The following THAP4 variants were observed in gnomAD, a reference collection of about 807,000 sequenced individuals.
The protein encoded by THAP4 is THAP domain containing 4, also known as peroxynitrite isomerase THAP4.
A neutral mutation model predicts 48.1 loss-of-function variants in THAP4; 18 were observed. That is an observed-to-expected ratio of 0.37 (90% CI 0.26 to 0.56). The LOEUF (loss-of-function observed/expected upper bound fraction) is 0.56, where lower values mean the gene tolerates loss of function less well. THAP4 is among the 20% of genes least tolerant of loss of function. THAP4 has a pLI of 0.78. For missense variants in THAP4, 656 were observed against 774.9 expected (o/e 0.85, Z 1.82); for synonymous variants, 345 against 324.9 (o/e 1.06, Z -0.66).
At chr2:241,604,573 T>G (rs768112157) in intron 3 of THAP4, among the ~76,000 whole-genome samples, 16 of 151,814 alleles carry the variant, frequency 1.1e-4, no homozygotes, top group Non-Finnish European at 1.9e-4. Context: ...AATTTTTGTA[T>G]TTTTGTATTT....
intron 2 of THAP4, 126 bp downstream of exon 2, chr2:241,632,785 ACCAGAG>A: frequency 1.5e-6 from 1 of 689,626 alleles, no homozygotes; most frequent in South Asian, 2.0e-5. Flanking sequence ...TATGGTTACG[ACCAGAG>A]CTTCCTCCTG....
At chr2:241,607,855 G>A (rs1303200538) in intron 2 of THAP4, among the ~76,000 whole-genome samples, 1 of 118,946 alleles carries the variant, frequency 8.4e-6, no homozygotes, top group African/African-American at 3.3e-5. Flanking sequence ...GGACAGGATT[G>A]GACTGACCCC....
rs190722742 is a variant in THAP4, at chr2:241,600,339, G to A, written c.1614+1557C>T. On this transcript the variant is annotated intron_variant, in intron 5 of 5. Coordinates refer to ENST00000407315, the MANE Select transcript of THAP4 (RefSeq NM_015963.6). ...ACTACTGGGTCACTCATCTGGAAGA[G>A]TTAGAATTATACGCTGCGTCACTCA... 5.4e-4 allele frequency among the ~76,000 whole-genome samples: 82 copies of A among 152,314 alleles called. 1 individual carries two copies. The highest frequency in any genetic ancestry group is 1.9e-3 in the African/African-American group (80 of 41,574).
chr2:241,586,321 A>T (rs901183168), intron 5 of THAP4, among the ~76,000 whole-genome samples: 2 of 151,048 alleles, frequency 1.3e-5, no homozygotes, highest in South Asian at 2.1e-4. Context: ...GAAGGGTCCC[A>T]TCCCAGGAGT....
intron 5 of THAP4, among the ~76,000 whole-genome samples, chr2:241,587,009 T>C (rs536738654): frequency 1.3e-5 from 2 of 152,188 alleles, no homozygotes; most frequent in South Asian, 2.1e-4. Context: ...CAGCAAAACT[T>C]TGGCTGATAA....
At position 241,584,621 on chromosome 2, in the gene THAP4, C is replaced by G. The variant is rs1450604621; in HGVS notation, c.1719G>C (p.Lys573Asn). Reference protein sequence around the residue: ...PMTQHLHVTYKKVTP With the variant: ...PMTQHLHVTYNKVTP ...AGCTCTAGGTTTACGGGGTCACCTTCTTGTAGGTGACGTGAAGATGCTGAG... is the reference window on the plus strand; with the variant it reads ...AGCTCTAGGTTTACGGGGTCACCTTGTTGTAGGTGACGTGAAGATGCTGAG... Residue 573 changes from lysine to asparagine, a missense_variant, in exon 6 of 6, where the codon AAG becomes AAC. By Grantham distance (94) the Lys-to-Asn change is moderately conservative (BLOSUM62 0). This residue lies in a region of THAP4 where 176 missense variants were observed against 256.7 expected (regional missense o/e 0.69). Transcript: ENST00000407315. 1 of 1,614,140 alleles carries G rather than the reference C, an allele frequency of 6.2e-7. No individual in the cohort carries two copies. Among genetic ancestry groups the G allele is most frequent in the Non-Finnish European group, 8.5e-7 (1 of 1,180,026 alleles).
intron 2 of THAP4, among the ~76,000 whole-genome samples, chr2:241,625,797 CAAAAAAAAAAAAAAA>C (rs147602587): frequency 1.0e-4 from 5 of 50,164 alleles, no homozygotes; most frequent in East Asian, 7.9e-4. Flanking sequence ...GACTCCGTCT[CAAAAAAAAAAAAAAA>C]AAAAAAAAAA....
chr2:241,594,340 T>C (rs979677474), intron 5 of THAP4, among the ~76,000 whole-genome samples: 2 of 152,154 alleles, frequency 1.3e-5, no homozygotes, highest in African/African-American at 4.8e-5. Context: ...TTCCAGCACT[T>C]TGGGAGGCCA....
At position 241,637,106 on chromosome 2, in the gene THAP4, G is replaced by C. The variant is rs1029643172; in HGVS notation, c.-89C>G. 1 of 1,018,200 alleles carries C rather than the reference G, an allele frequency of 9.8e-7. No homozygotes were observed. The highest frequency in any genetic ancestry group is 1.2e-6 in the Non-Finnish European group (1 of 855,004). 63.1% of individuals were successfully genotyped at this position (1,018,200 alleles called of 1,614,324 possible). A position where few individuals can be genotyped will look rare whatever the true frequency, so the allele number is the denominator to read the frequency against. ...GCCCCGAGGGAGGGAGCGCGGCGGC[G>C]ACACGGCTCGGGACGTGGGCCGGCC... On this transcript the variant is annotated 5_prime_UTR_variant, in exon 1 of 6. Coordinates refer to ENST00000407315, the MANE Select transcript of THAP4 (RefSeq NM_015963.6).
intron 2 of THAP4, among the ~76,000 whole-genome samples, chr2:241,607,400 G>C (rs1340428433): frequency 1.3e-5 from 2 of 151,898 alleles, no homozygotes; most frequent in Non-Finnish European, 2.9e-5. Flanking sequence ...TTTTCTAAGG[G>C]AGACCTGTGC....
At position 241,591,121 on chromosome 2, in the gene THAP4, GA is replaced by G; in HGVS notation, c.1615-6397del. ...CAGACAGAACTGCCAGGCTGACGAT[GA>G]TGGGCACTAGGACACTCAGAACTGC... On this transcript the variant is annotated intron_variant, in intron 5 of 5. Coordinates refer to ENST00000407315, the MANE Select transcript of THAP4 (RefSeq NM_015963.6). 2.2e-5 allele frequency among the ~76,000 whole-genome samples: 2 copies of G among 90,260 alleles called. 1 individual carries two copies. Among genetic ancestry groups the G allele is most frequent in the Middle Eastern group, 0.015 (2 of 132 alleles). The allele number at this position is 90,260 out of a possible 152,430, so 59.2% of individuals were successfully genotyped here.
In THAP4 at chr2:241,626,762, C is replaced by T. The variant is rs111750263; in HGVS notation, c.1240+6155G>A. 4.1e-3 allele frequency among the ~76,000 whole-genome samples: 626 copies of T among 151,990 alleles called. 2 individuals carry two copies. Among genetic ancestry groups the T allele is most frequent in the African/African-American group, 0.014 (588 of 41,478 alleles). ...TATTTTTAGTAGAGACAGGGCTTCA[C>T]CCTGTTGGCCAGGCTGGTCTCAAAC... On this transcript the variant is annotated intron_variant, in intron 2 of 5. Transcript: ENST00000407315.
Position 241,612,833 on chromosome 2 carries a change from C to T in THAP4, c.1241-6360G>A, listed in dbSNP as rs1342360096. On this transcript the variant is annotated intron_variant, in intron 2 of 5. Coordinates refer to ENST00000407315, the MANE Select transcript of THAP4 (RefSeq NM_015963.6). The surrounding 1 kb of genome is among the most constrained non-coding windows in gnomAD (Gnocchi z 4.1). ...GGGAAGGTGAGTGGCAAGGATGCTA[C>T]GGCTGGCCACAGCGATCCTTCCAGA... Among the ~76,000 whole-genome samples, 6 of 152,170 alleles carry T rather than the reference C, an allele frequency of 3.9e-5. No individual in the cohort carries two copies. Among genetic ancestry groups the T allele is most frequent in the East Asian group, 1.9e-4 (1 of 5,186 alleles).
chr2:241,605,176 T>C (rs149905518), intron 3 of THAP4, among the ~76,000 whole-genome samples: 75 of 152,272 alleles, frequency 4.9e-4, no homozygotes, highest in African/African-American at 1.7e-3. Context: ...TTTGACCTCA[T>C]GCATTCAATC....
chr2:241,637,115 C>G lies in THAP4; in HGVS notation c.-98G>C. 9.9e-7 allele frequency: 1 copy of G among 1,008,600 alleles called. No homozygotes were observed. Among genetic ancestry groups the G allele is most frequent in the Non-Finnish European group, 1.2e-6 (1 of 848,506 alleles). 62.5% of individuals were successfully genotyped at this position (1,008,600 alleles called of 1,614,324 possible). ...GAGGGAGCGCGGCGGCGACACGGCTCGGGACGTGGGCCGGCCCGCGGCGTC... is the reference window on the plus strand; with the variant it reads ...GAGGGAGCGCGGCGGCGACACGGCTGGGGACGTGGGCCGGCCCGCGGCGTC... On this transcript the variant is annotated 5_prime_UTR_variant, in exon 1 of 6. Transcript: ENST00000407315.
At position 241,632,880 on chromosome 2, in the gene THAP4, G is replaced by A. The variant is rs2067583192; in HGVS notation, c.1240+37C>T. On this transcript the variant is annotated intron_variant, in intron 2 of 5. Coordinates refer to ENST00000407315, the MANE Select transcript of THAP4 (RefSeq NM_015963.6). ...CCTTGCAGAGAAACCCCTCCTAACG[G>A]GAAGGGAACATGGGTACGCGAGGCT... is the stretch of plus-strand genomic sequence containing the variant. 2.7e-6 allele frequency: 4 copies of A among 1,496,336 alleles called. No individual in the cohort carries two copies. The Admixed American group carries it at 6.7e-5, about 25-fold the overall frequency. The allele number at this position is 1,496,336 out of a possible 1,614,324, so 92.7% of individuals were successfully genotyped here.
At chr2:241,637,310 C>G, upstream of THAP4, 1 of 1,179,264 alleles carries the variant, frequency 8.5e-7, no homozygotes, top group Non-Finnish European at 1.1e-6. Flanking sequence ...GGGGAGTCGC[C>G]CCGGCGGGGC....
At chr2:241,602,376 T>A (rs1220694259) in intron 4 of THAP4, among the ~76,000 whole-genome samples, 1 of 151,512 alleles carries the variant, frequency 6.6e-6, no homozygotes, top group African/African-American at 2.4e-5. Context: ...TTTTTTCTTT[T>A]TTTTTTGAGA....
chr2:241,609,148 C>G (rs1367177365), intron 2 of THAP4, among the ~76,000 whole-genome samples: 1 of 152,210 alleles, frequency 6.6e-6, no homozygotes, highest in Non-Finnish European at 1.5e-5. Context: ...GGAGGGTGGC[C>G]TGGGCCAGGT....
Sources: gnomAD v4.1 joint callset for allele counts (sites outside exome capture counted in the v4.1 genomes callset) on GRCh38, gnomAD v4.1.1 for gene constraint, gnomAD v4.1.1 regional missense constraint, Gnocchi (gnomAD v3.1) non-coding constraint, MANE v1.5 for transcripts, NCBI Gene and HGNC (gene_info 2026-07-23, HGNC 2026-07-21) for gene names.